BAG3: variants seen among roughly 807,000 people sequenced by gnomAD.
BAG3 encodes BAG family molecular chaperone regulator 3.
In BAG3, 14 loss-of-function variants were observed where a neutral mutation model predicts 40.5. That is an observed-to-expected ratio of 0.35 (90% CI 0.23 to 0.54). The LOEUF is 0.54. BAG3 is among the 20% of genes least tolerant of loss of function. BAG3 has a pLI of 0.91. For synonymous variants in BAG3, 302 were observed against 307.8 expected (o/e 0.98, Z 0.20); for missense variants, 788 against 758.6 (o/e 1.04, Z -0.46).
chr10:119,669,707 G>C (rs1847115961), intron 1 of BAG3, 144 bp from the exon 2 acceptor site: 1 of 849,152 alleles, frequency 1.2e-6, no homozygotes. Flanking sequence ...GGTTTGGAGG[G>C]TACAGGGGCT....
chr10:119,665,414 A>G (rs1308711193), intron 1 of BAG3, among the ~76,000 whole-genome samples: 1 of 151,736 alleles, frequency 6.6e-6, no homozygotes, highest in Non-Finnish European at 1.5e-5. Flanking sequence ...TGCTGGGATT[A>G]CAGGCGTGAG....
intron 1 of BAG3, 68 bp from the exon 2 acceptor site, chr10:119,669,782 GT>G: frequency 6.7e-7 from 1 of 1,483,610 alleles, no homozygotes; most frequent in Non-Finnish European, 9.4e-7. Context: ...GCGCCACAGT[GT>G]TTCCTCTGCC....
At chr10:119,656,314 T>C (rs1401330961) in intron 1 of BAG3, among the ~76,000 whole-genome samples, 1 of 151,960 alleles carries the variant, frequency 6.6e-6, no homozygotes, top group East Asian at 1.9e-4. Context: ...GGTTCCCTTT[T>C]GTTGTGAGTC....
At chr10:119,660,544 T>G (rs1460322812) in intron 1 of BAG3, among the ~76,000 whole-genome samples, 5 of 152,214 alleles carry the variant, frequency 3.3e-5, no homozygotes, top group African/African-American at 1.2e-4. Context: ...TGAGACAGAC[T>G]AAAGAATTAG....
Position 119,670,177 on chromosome 10 carries a change from G to C in BAG3, c.507G>C (p.Glu169Asp), listed in dbSNP as rs1060502812. 4.4e-6 allele frequency: 7 copies of C among 1,606,046 alleles called. No individual in the cohort carries two copies. Among genetic ancestry groups the C allele is most frequent in the African/African-American group, 1.3e-5 (1 of 75,030 alleles). The change falls in exon 2 of 4, where the codon GAG becomes GAC. Residue 169 changes from glutamate (E) to aspartate (D), a missense_variant and splice_region_variant. Coordinates refer to ENST00000369085, the MANE Select transcript of BAG3 (RefSeq NM_004281.4). ...AAQPPASHGP[E>D]RSQSPAASDC... ...AGCCCCCAGCCTCCCACGGACCTGA[G>C]GTAAGGAGAGGCCAGGCTCACCAGC...
Position 119,672,752 on chromosome 10 carries a change from C to T in BAG3, c.909+96C>T. The T allele has an allele frequency of 6.5e-7, 1 of 1,544,086 alleles. No individual in the cohort carries two copies. The highest frequency in any genetic ancestry group is 1.1e-5 in the South Asian group (1 of 88,192). ...GCCCTGGGTTCCCCCTTCATCCCTG[C>T]CTATTTAACATGCGTGTACCTACAG... is the stretch of plus-strand genomic sequence containing the variant. On this transcript the variant is annotated intron_variant, in intron 3 of 3. Coordinates refer to ENST00000369085, the MANE Select transcript of BAG3 (RefSeq NM_004281.4). The surrounding 1 kb of genome is among the most constrained non-coding windows in gnomAD (Gnocchi z 4.8).
In BAG3 at chr10:119,669,988, G is replaced by T. The variant is rs750075933; in HGVS notation, c.318G>T (p.Arg106=). Residue 106 remains arginine, a synonymous_variant, in exon 2 of 4, where the codon CGG becomes CGT. Transcript: ENST00000369085. ...IPVLHEGAEN[R]QVHPFHVYPQ... ...TGCTCCATGAAGGCGCTGAGAACCGGCAGGTGCACCCTTTCCATGTCTATC... is the reference window on the plus strand; with the variant it reads ...TGCTCCATGAAGGCGCTGAGAACCGTCAGGTGCACCCTTTCCATGTCTATC... 3.1e-6 allele frequency: 5 copies of T among 1,614,108 alleles called. No individual in the cohort carries two copies. The African/African-American group carries it at 6.7e-5, about 22-fold the overall frequency.
chr10:119,662,986 G>A (rs1431093628), intron 1 of BAG3, among the ~76,000 whole-genome samples: 2 of 152,156 alleles, frequency 1.3e-5, no homozygotes, highest in East Asian at 3.9e-4. Context: ...CTGCACTCCA[G>A]CCTAGGCGAC....
rs981851020 is a variant in BAG3 at position 119,651,470 on chromosome 10, C to T, written c.-206C>T. 2 of 446,392 alleles carry T rather than the reference C, an allele frequency of 4.5e-6. No individual in the cohort carries two copies. The highest frequency in any genetic ancestry group is 4.6e-5 in the Admixed American group (1 of 21,970). The allele number at this position is 446,392 out of a possible 1,614,324, so 27.7% of individuals were successfully genotyped here. Reference sequence around the variant, plus strand: ...CTACCTCCCTTTATCTCCTCCTTCCCCTCTGGCAGCGAGGAGGCTATTTCC... The same window carrying T: ...CTACCTCCCTTTATCTCCTCCTTCCTCTCTGGCAGCGAGGAGGCTATTTCC... On this transcript the variant is annotated 5_prime_UTR_variant, in exon 1 of 4. Coordinates refer to ENST00000369085, the MANE Select transcript of BAG3 (RefSeq NM_004281.4).
intron 1 of BAG3, among the ~76,000 whole-genome samples, chr10:119,669,207 A>G (rs1435716361): frequency 1.3e-5 from 2 of 152,154 alleles, no homozygotes; most frequent in African/African-American, 4.8e-5. Flanking sequence ...CAAGCAGAGA[A>G]TCTTTGTCAG....
chr10:119,675,473 G>A (rs1847205267), intron 3 of BAG3, among the ~76,000 whole-genome samples: 1 of 152,220 alleles, frequency 6.6e-6, no homozygotes, highest in Admixed American at 6.5e-5. Flanking sequence ...TTGTTCTGGA[G>A]TTAACCATTT....
intron 1 of BAG3, among the ~76,000 whole-genome samples, chr10:119,655,024 A>C (rs1236828463): frequency 2.0e-5 from 3 of 152,214 alleles, no homozygotes; most frequent in Non-Finnish European, 2.9e-5. Context: ...AAAACTATTA[A>C]GTCCAGAAAG....
chr10:119,659,467 C>T lies in BAG3; in HGVS notation c.180+7612C>T, dbSNP rs141137763. Among the ~76,000 whole-genome samples, 486 of 152,232 alleles carry T rather than the reference C, an allele frequency of 3.2e-3. 2 individuals carry two copies. Among genetic ancestry groups the T allele is most frequent in the African/African-American group, 0.011 (444 of 41,562 alleles). ...CAGCTCTCAGGGGTGTAAATGTCAC[C>T]GCAGATGGAAGGAAGGAGGGGTTTT... On this transcript the variant is annotated intron_variant, in intron 1 of 3. Transcript: ENST00000369085.
At chr10:119,673,433 C>T (rs1189113838) in intron 3 of BAG3, among the ~76,000 whole-genome samples, 1 of 152,128 alleles carries the variant, frequency 6.6e-6, no homozygotes, top group Non-Finnish European at 1.5e-5. Flanking sequence ...CCGTGCTGGC[C>T]TGGGGAAGGT....
At chr10:119,671,378 C>T (rs1847147844) in intron 2 of BAG3, among the ~76,000 whole-genome samples, 1 of 152,132 alleles carries the variant, frequency 6.6e-6, no homozygotes, top group South Asian at 2.1e-4. Flanking sequence ...CACATAAATG[C>T]GAGACATCTT....
intron 1 of BAG3, among the ~76,000 whole-genome samples, chr10:119,665,144 AT>A (rs1161102936): frequency 1.0e-4 from 9 of 88,790 alleles, no homozygotes; most frequent in South Asian, 3.7e-4. Flanking sequence ...ATATATATAT[AT>A]TTTTTTTTTT....
At position 119,672,820 on chromosome 10, in the gene BAG3, A is replaced by G. The variant is rs1271876522; in HGVS notation, c.909+164A>G. ...AATTGCTAGGTATTAACAGAAATGC[A>G]GGACAGTTGCTCAGGCTGTGAACCC... On this transcript the variant is annotated intron_variant, in intron 3 of 3. Coordinates refer to ENST00000369085, the MANE Select transcript of BAG3 (RefSeq NM_004281.4). This position sits in a 1 kb window ranked among gnomAD's most constrained non-coding sequence, Gnocchi z 4.8. Among the ~76,000 whole-genome samples the G allele has an allele frequency of 6.6e-6, 1 of 152,192 alleles. No homozygotes were observed. The highest frequency in any genetic ancestry group is 2.4e-5 in the African/African-American group (1 of 41,436).
chr10:119,675,796 T>G, intron 3 of BAG3, among the ~76,000 whole-genome samples: 1 of 16,808 alleles, frequency 5.9e-5, no homozygotes, highest in Admixed American at 7.8e-4. Context: ...CCTTCCCCCC[T>G]TCCCCTTCCC....
chr10:119,676,327 C>G, intron 3 of BAG3, 137 bp from the exon 4 acceptor site: 1 of 856,226 alleles, frequency 1.2e-6, no homozygotes, highest in East Asian at 2.6e-5. Context: ...CATTGATTGA[C>G]TTTGAAAATC....
Sources: gnomAD v4.1 joint callset for allele counts (sites outside exome capture counted in the v4.1 genomes callset) on GRCh38, gnomAD v4.1.1 for gene constraint, Gnocchi (gnomAD v3.1) non-coding constraint, MANE v1.5 for transcripts, NCBI Gene and HGNC (gene_info 2026-07-23, HGNC 2026-07-21) for gene names.